The following CD99L2 variants were observed in gnomAD, a reference collection of about 807,000 sequenced individuals.
CD99L2 encodes the protein CD99 molecule like 2.
In CD99L2, 24 loss-of-function variants were observed where a neutral mutation model predicts 27.3. That is an observed-to-expected ratio of 0.88 (90% confidence interval 0.64 to 1.24). The LOEUF (loss-of-function observed/expected upper bound fraction) is 1.24, where lower values mean the gene tolerates loss of function less well. Ranked by LOEUF, CD99L2 falls within the 50% of genes most tolerant of loss-of-function variation. CD99L2 has a pLI of 0.00. For synonymous variants in CD99L2, 97 were observed against 87.9 expected, an observed-to-expected ratio of 1.10 and a Z score of -0.58; for missense variants, 255 against 221.6, an observed-to-expected ratio of 1.15 and a Z score of -0.96.
chrX:150,853,777 G>A (rs1189034602), intron 1 of CD99L2, among the ~76,000 whole-genome samples: 1 of 111,874 alleles, frequency 8.9e-6, no homozygotes, highest in Non-Finnish European at 1.9e-5. Context: ...GCCCCATTTA[G>A]CTGAAACAAT....
At chrX:150,863,591 G>A (rs1557421965) in intron 1 of CD99L2, among the ~76,000 whole-genome samples, 1 of 111,365 alleles carries the variant, frequency 9.0e-6, no homozygotes, top group Non-Finnish European at 1.9e-5. Flanking sequence ...TTTTTTGTTT[G>A]TTTGTTTGCT....
At chrX:150,836,856 A>C (rs2046538605) in intron 1 of CD99L2, among the ~76,000 whole-genome samples, 1 of 111,816 alleles carries the variant, frequency 8.9e-6, no homozygotes. Flanking sequence ...CTATAACACC[A>C]TGGTATTTGT....
intron 1 of CD99L2, among the ~76,000 whole-genome samples, chrX:150,832,448 ACT>A (rs2046458143): frequency 9.0e-6 from 1 of 111,576 alleles, no homozygotes; most frequent in Non-Finnish European, 1.9e-5. Flanking sequence ...ACATGGTGAA[ACT>A]CTGTCTCTAT....
chrX:150,896,809 G>A (rs1557423096), intron 1 of CD99L2, among the ~76,000 whole-genome samples: 2 of 112,500 alleles, frequency 1.8e-5, no homozygotes, highest in Non-Finnish European at 3.8e-5. Flanking sequence ...AGTCAGACAA[G>A]CCTTGCATCA....
intron 1 of CD99L2, among the ~76,000 whole-genome samples, chrX:150,878,533 T>TAA (rs782675993): frequency 0.049 from 3,137 of 64,079 alleles, 130 homozygotes; most frequent in African/African-American, 0.13. Context: ...TTAATACTAC[T>TAA]AAAAAAAAAA....
chrX:150,783,261 C>T (rs186308680), intron 7 of CD99L2, among the ~76,000 whole-genome samples: 1,534 of 111,148 alleles, frequency 0.014, 77 homozygotes, highest in Admixed American at 0.14. Context: ...TGTAACAAAC[C>T]TGCACGTTCT....
chrX:150,770,878 A>G (rs1036910507), intron 9 of CD99L2, among the ~76,000 whole-genome samples: 2 of 112,823 alleles, frequency 1.8e-5, no homozygotes, highest in African/African-American at 6.4e-5. Context: ...GCGGAGGCCA[A>G]CTGCTCCTCC....
intron 7 of CD99L2, among the ~76,000 whole-genome samples, chrX:150,779,798 TA>T: frequency 8.9e-6 from 1 of 111,748 alleles, no homozygotes. Flanking sequence ...TAGCTTGGGG[TA>T]AAAAATGACT....
At chrX:150,773,252 G>A (rs1256293471) in intron 9 of CD99L2, among the ~76,000 whole-genome samples, 6 of 112,453 alleles carry the variant, frequency 5.3e-5, no homozygotes, top group African/African-American at 1.6e-4. Flanking sequence ...CACCCTGTCT[G>A]CTCAGCCCAA....
intron 4 of CD99L2, among the ~76,000 whole-genome samples, chrX:150,800,926 G>A (rs1303229654): frequency 1.8e-5 from 2 of 109,641 alleles, no homozygotes; most frequent in African/African-American, 6.7e-5. Context: ...GGCTACTCGG[G>A]AGGCTGAGAC....
intron 2 of CD99L2, among the ~76,000 whole-genome samples, chrX:150,822,961 C>T (rs782375368): frequency 1.9e-4 from 21 of 111,966 alleles, no homozygotes; most frequent in Non-Finnish European, 3.6e-4. Context: ...AGGTTACCCT[C>T]ATGCTGTTCT....
intron 7 of CD99L2, among the ~76,000 whole-genome samples, chrX:150,780,569 T>C (rs1327821050): frequency 9.0e-6 from 1 of 111,463 alleles, no homozygotes; most frequent in East Asian, 2.8e-4. Flanking sequence ...AATGAATGAA[T>C]AAAATGTTTA....
At chrX:150,793,666 T>A (rs2045734356) in intron 7 of CD99L2, 25 bp downstream of exon 7, 1 of 1,157,578 alleles carries the variant, frequency 8.6e-7, no homozygotes, top group Non-Finnish European at 1.2e-6. Flanking sequence ...ATAAGGGTTG[T>A]GTTGGCACAA....
In CD99L2 at chrX:150,793,522, T is replaced by TC. The variant is rs1267051520; in HGVS notation, c.496+168dup. 3.6e-5 allele frequency among the ~76,000 whole-genome samples: 4 copies of TC among 111,432 alleles called. No individual in the cohort carries two copies. The East Asian group carries it at 1.1e-3, about 31-fold the overall frequency. ...GGGCTTTTCCAAGATGGCTTATAAA[T>TC]CCCCCCCTTGAACTGCATGGCTCAC... On this transcript the variant is annotated intron_variant, in intron 7 of 10. Coordinates refer to ENST00000370377, the MANE Select transcript of CD99L2 (RefSeq NM_031462.4).
At chrX:150,806,454 C>A (rs1313725620) in intron 4 of CD99L2, among the ~76,000 whole-genome samples, 1 of 111,624 alleles carries the variant, frequency 9.0e-6, no homozygotes, top group Non-Finnish European at 1.9e-5. Context: ...CGGGGTCTTG[C>A]TAAGTTGTCC....
At chrX:150,793,820 C>T in intron 6 of CD99L2, 64 bp from the exon 7 acceptor site, 1 of 909,825 alleles carries the variant, frequency 1.1e-6, no homozygotes, top group Non-Finnish European at 1.5e-6. Context: ...GAAACTTGTG[C>T]TAATGTTGCC....
chrX:150,877,137 A>G (rs1430786064), intron 1 of CD99L2, among the ~76,000 whole-genome samples: 1 of 103,413 alleles, frequency 9.7e-6, no homozygotes, highest in Non-Finnish European at 2.0e-5. Flanking sequence ...AAAAAAAAAA[A>G]GAAAGAAAGA....
chrX:150,858,076 G>A (rs1242228555), intron 1 of CD99L2, among the ~76,000 whole-genome samples: 2 of 112,202 alleles, frequency 1.8e-5, no homozygotes, highest in Non-Finnish European at 3.8e-5. Flanking sequence ...CAGTTAAATG[G>A]ACTTTAAGGC....
Position 150,851,342 on chromosome X carries a change from C to T in CD99L2, c.68-20049G>A, listed in dbSNP as rs782592173. Among the ~76,000 whole-genome samples, 6 of 111,982 alleles carry T rather than the reference C, an allele frequency of 5.4e-5. No homozygotes were observed. The East Asian group carries it at 1.7e-3, about 32-fold the overall frequency. On this transcript the variant is annotated intron_variant, in intron 1 of 10. Coordinates refer to ENST00000370377, the MANE Select transcript of CD99L2 (RefSeq NM_031462.4). ...TTGAGGACCTAGCAAGGAGCAGCTG[C>T]CATGTCAGACACATGGCATCAACAC...
Sources: allele counts gnomAD v4.1 joint callset (sites outside exome capture counted in the v4.1 genomes callset), GRCh38; gene constraint gnomAD v4.1.1; transcripts MANE v1.5; gene names NCBI Gene and HGNC (gene_info 2026-07-23, HGNC 2026-07-21).